RASA3: variants seen among roughly 807,000 people sequenced by gnomAD.
RASA3 encodes ras GTPase-activating protein 3.
RASA3 carries 73 observed loss-of-function variants against 110.0 expected under a neutral mutation model. The observed-to-expected ratio is 0.66, with a 90% CI of 0.55 to 0.81. RASA3 has a LOEUF of 0.81. Among genes scored for constraint, RASA3 ranks in the 30% least tolerant of loss-of-function variants. The pLI, the probability that RASA3 is intolerant of heterozygous loss-of-function variation, is 0.00. For synonymous variants in RASA3, 500 were observed against 451.4 expected (o/e 1.11, Z -1.37); for missense variants, 976 against 1,113.2 (o/e 0.88, Z 1.75).
chr13:114,110,794 C>T (rs765722446), intron 1 of RASA3, among the ~76,000 whole-genome samples: 15 of 152,232 alleles, frequency 9.9e-5, no homozygotes, highest in Non-Finnish European at 1.5e-4. Context: ...AGGACACACC[C>T]ATCCGGACAC....
chr13:113,981,092 C>T (rs2052922977), intron 23 of RASA3, among the ~76,000 whole-genome samples: 1 of 152,180 alleles, frequency 6.6e-6, no homozygotes, highest in Non-Finnish European at 1.5e-5. Context: ...TAAGAGCCAG[C>T]CTAGCACTTT....
chr13:113,998,381 GA>G (rs1295266040), intron 20 of RASA3, among the ~76,000 whole-genome samples: 2 of 152,176 alleles, frequency 1.3e-5, no homozygotes, highest in African/African-American at 4.8e-5. Flanking sequence ...GACTGCCTGT[GA>G]ATAACATGCT....
chr13:114,064,218 G>A (rs534873401), intron 2 of RASA3, among the ~76,000 whole-genome samples: 1 of 152,316 alleles, frequency 6.6e-6, no homozygotes, highest in Non-Finnish European at 1.5e-5. Flanking sequence ...CAGGAGCAGA[G>A]GCTGCGAGGC....
chr13:113,990,616 C>G (rs2053085796), intron 22 of RASA3, among the ~76,000 whole-genome samples: 1 of 152,254 alleles, frequency 6.6e-6, no homozygotes, highest in Admixed American at 6.5e-5. Context: ...TCACAGTATC[C>G]AGGGACCTCA....
rs533435745 is a variant in RASA3 at position 114,121,223 on chromosome 13, C to T, written c.55+11212G>A. ...CTGCGGCCGGGGGCAGGAGGCCACC[C>T]GCGGGGCATTCGGACCCCCGTGCCC... On this transcript the variant is annotated intron_variant, in intron 1 of 23. Transcript: ENST00000334062. Among the ~76,000 whole-genome samples the T allele has an allele frequency of 8.5e-5, 13 of 152,332 alleles. No homozygotes were observed. In the East Asian group the frequency reaches 1.9e-3, roughly 23 times the overall value.
At chr13:114,033,472 C>T (rs1388526145) in intron 4 of RASA3, among the ~76,000 whole-genome samples, 2 of 53,986 alleles carry the variant, frequency 3.7e-5, no homozygotes, top group Non-Finnish European at 7.5e-5. Flanking sequence ...TGACACCACG[C>T]CCCACGGCAC....
chr13:114,038,792 G>A (rs1369498878), intron 4 of RASA3, among the ~76,000 whole-genome samples: 2 of 152,166 alleles, frequency 1.3e-5, no homozygotes, highest in African/African-American at 2.4e-5. Context: ...GGGGGACAAG[G>A]GTTCCCAGAG....
intron 1 of RASA3, among the ~76,000 whole-genome samples, chr13:114,118,504 AG>A (rs2080325806): frequency 6.6e-6 from 1 of 152,222 alleles, no homozygotes; most frequent in African/African-American, 2.4e-5. Flanking sequence ...TCCCAACTCT[AG>A]CCCCAAATCC....
chr13:114,051,062 CCG>C (rs1213606337), intron 3 of RASA3, among the ~76,000 whole-genome samples: 3 of 151,676 alleles, frequency 2.0e-5, no homozygotes, highest in East Asian at 3.9e-4. Context: ...GTCAGATGGA[CCG>C]GGACCCCGCC....
At position 114,017,369 on chromosome 13, in the gene RASA3, G is replaced by T; in HGVS notation, c.1092-18C>A. 6.3e-7 allele frequency: 1 copy of T among 1,594,588 alleles called. No homozygotes were observed. Among genetic ancestry groups the T allele is most frequent in the East Asian group, 2.2e-5 (1 of 44,802 alleles). On this transcript the variant is annotated intron_variant, in intron 11 of 23. Coordinates refer to ENST00000334062, the MANE Select transcript of RASA3 (RefSeq NM_007368.4). ...TGGGGTCCCTGGGAAATGGCGATGG[G>T]GACAGCGTTTGTCTCCTGGGGACGC...
At chr13:114,046,952 A>C (rs2079063035) in intron 3 of RASA3, among the ~76,000 whole-genome samples, 1 of 152,212 alleles carries the variant, frequency 6.6e-6, no homozygotes, top group Non-Finnish European at 1.5e-5. Flanking sequence ...CATGGAACTA[A>C]ATGTGAACGC....
At position 114,041,086 on chromosome 13, in the gene RASA3, C is replaced by A. The variant is rs867988017; in HGVS notation, c.286G>T (p.Ala96Ser). 6.2e-7 allele frequency: 1 copy of A among 1,613,682 alleles called. No individual in the cohort carries two copies. Among genetic ancestry groups the A allele is most frequent in the Non-Finnish European group, 8.5e-7 (1 of 1,179,922 alleles). ...TTCTGCAAGTCCTCCTTCTGGATGG[C>A]CACCTTCCCTGCAACACAAGCAGAG... is the stretch of plus-strand genomic sequence containing the variant. ...FRRDSIIGKV[A>S]IQKEDLQKYH... Residue 96 changes from alanine (A) to serine (S), a missense_variant, in exon 4 of 24, where the codon GCC becomes TCC. Coordinates refer to ENST00000334062, the MANE Select transcript of RASA3 (RefSeq NM_007368.4).
intron 12 of RASA3, among the ~76,000 whole-genome samples, chr13:114,016,687 G>A (rs1463590544): frequency 1.3e-5 from 2 of 152,210 alleles, no homozygotes; most frequent in Non-Finnish European, 2.9e-5. Flanking sequence ...GGCCTCACAG[G>A]GCTTTAATAA....
chr13:113,990,691 G>A (rs1018483466), intron 22 of RASA3, among the ~76,000 whole-genome samples: 2 of 152,250 alleles, frequency 1.3e-5, no homozygotes, highest in Admixed American at 6.5e-5. Context: ...GGTGGCCCAT[G>A]AGTGTGTACA....
intron 4 of RASA3, chr13:114,035,785 C>T (rs2054268333): frequency 6.6e-6 from 1 of 152,284 alleles, no homozygotes; most frequent in Admixed American, 6.5e-5. Flanking sequence ...AGCCCAGCCT[C>T]GGCCGTCTCC....
intron 4 of RASA3, among the ~76,000 whole-genome samples, chr13:114,040,045 C>T (rs1255240291): frequency 6.6e-6 from 1 of 152,258 alleles, no homozygotes; most frequent in Non-Finnish European, 1.5e-5. Context: ...TCGGCCCTTC[C>T]CCACCCATGT....
Position 114,027,938 on chromosome 13 carries a change from A to C in RASA3, c.450-11T>G. 6.2e-7 allele frequency: 1 copy of C among 1,607,492 alleles called. No individual in the cohort carries two copies. The highest frequency in any genetic ancestry group is 8.5e-7 in the Non-Finnish European group (1 of 1,174,692). ...TGGCACTCGACGATGCTGAGGAGAG[A>C]AGCAGAGGCGGCGTCAGGAGGGAGC... is the stretch of plus-strand genomic sequence containing the variant. On this transcript the variant is annotated splice_polypyrimidine_tract_variant and intron_variant, in intron 5 of 23. Coordinates refer to ENST00000334062, the MANE Select transcript of RASA3 (RefSeq NM_007368.4).
intron 12 of RASA3, among the ~76,000 whole-genome samples, chr13:114,016,682 C>T (rs1445709684): frequency 6.6e-6 from 1 of 152,250 alleles, no homozygotes; most frequent in Non-Finnish European, 1.5e-5. Flanking sequence ...GACTAGGCCT[C>T]ACAGGGCTTT....
intron 2 of RASA3, among the ~76,000 whole-genome samples, chr13:114,061,580 G>A (rs541441271): frequency 4.8e-4 from 73 of 151,814 alleles, no homozygotes; most frequent in African/African-American, 1.7e-3. Context: ...AGGAGGCTGA[G>A]GCAGGAGAAT....
Sources: allele counts gnomAD v4.1 joint callset (sites outside exome capture counted in the v4.1 genomes callset), GRCh38; gene constraint gnomAD v4.1.1; transcripts MANE v1.5; gene names NCBI Gene and HGNC (gene_info 2026-07-23, HGNC 2026-07-21).